Variants in ITSN2 observed in about 807,000 individuals in gnomAD.
ITSN2 encodes intersectin-2.
In ITSN2, 156 loss-of-function variants were observed where a neutral mutation model predicts 243.7. The ratio of observed to expected loss-of-function variants is 0.64; its 90% CI spans 0.56 to 0.73. The LOEUF is 0.73. ITSN2 is among the 30% of genes least tolerant of loss of function. The pLI, the probability that ITSN2 is intolerant of heterozygous loss-of-function variation, is 0.00. For missense variants in ITSN2, 1,801 were observed against 1,996.1 expected, an observed-to-expected ratio of 0.90 and a Z score of 1.86; for synonymous variants, 703 against 699.9, an observed-to-expected ratio of 1.00 and a Z score of -0.07.
intron 36 of ITSN2, 123 bp downstream of exon 36, chr2:24,208,977 A>G (rs904214779): frequency 1.9e-6 from 2 of 1,078,592 alleles, no homozygotes; most frequent in African/African-American, 3.1e-5. Context: ...GGGATGTGTT[A>G]AGAGAGGTTC....
In ITSN2 at chr2:24,310,344, C is replaced by T. The variant is rs781209556; in HGVS notation, c.593G>A (p.Gly198Glu). The T allele has an allele frequency of 8.7e-6, 14 of 1,613,736 alleles. No homozygotes were observed. The South Asian group carries it at 1.5e-4, about 18-fold the overall frequency. The stretch of plus-strand genomic sequence containing the variant: ...CTGTATACTAGCACCTCCAAATCCT[C>T]CCATCATCAGACTATAAGATGACCC... ...PHGSSYSLMM[G>E]GFGGASIQKA... The change falls in exon 7 of 40, where the codon GGA becomes GAA. Residue 198 changes from glycine to glutamate, a missense_variant. Gly to Glu is a moderately conservative substitution (Grantham distance 98, BLOSUM62 -2). This residue lies in a region of ITSN2 where 787 missense variants were observed against 803.9 expected (regional missense o/e 0.98). Coordinates refer to ENST00000355123, the MANE Select transcript of ITSN2 (RefSeq NM_006277.3).
At chr2:24,316,096 T>G (rs756582229) in intron 2 of ITSN2, among the ~76,000 whole-genome samples, 3 of 152,078 alleles carry the variant, frequency 2.0e-5, no homozygotes, top group Admixed American at 6.6e-5. Context: ...GGGCACAGCA[T>G]GAGAAGTCAA....
intron 1 of ITSN2, among the ~76,000 whole-genome samples, chr2:24,351,509 T>C (rs1464147858): frequency 6.6e-6 from 1 of 152,348 alleles, no homozygotes. Context: ...CCTAACCAAA[T>C]AATGTGGATA....
chr2:24,226,713 A>C (rs1201956543), intron 29 of ITSN2, among the ~76,000 whole-genome samples: 1 of 152,112 alleles, frequency 6.6e-6, no homozygotes, highest in Non-Finnish European at 1.5e-5. Flanking sequence ...AGCCAGTCTA[A>C]TTGCTGTTCA....
chr2:24,358,513 T>C (rs974528573), intron 1 of ITSN2, among the ~76,000 whole-genome samples: 8 of 152,290 alleles, frequency 5.3e-5, no homozygotes, highest in Middle Eastern at 3.4e-3. Context: ...GAAAGTATAG[T>C]TGAAGGAGAC....
At chr2:24,279,726 CTTTTTTTTT>C (rs955431908) in intron 17 of ITSN2, among the ~76,000 whole-genome samples, 2 of 78,246 alleles carry the variant, frequency 2.6e-5, no homozygotes, top group South Asian at 4.2e-4. Flanking sequence ...TGTGAATTTT[CTTTTTTTTT>C]TTTTTTTTTT....
At chr2:24,334,117 T>C (rs1686087533) in intron 1 of ITSN2, among the ~76,000 whole-genome samples, 1 of 151,862 alleles carries the variant, frequency 6.6e-6, no homozygotes, top group Non-Finnish European at 1.5e-5. Flanking sequence ...GGAGTGCAAT[T>C]GTGCGATCTC....
chr2:24,353,768 C>A (rs1279163972), intron 1 of ITSN2, among the ~76,000 whole-genome samples: 1 of 152,094 alleles, frequency 6.6e-6, no homozygotes, highest in Non-Finnish European at 1.5e-5. Flanking sequence ...AATTTCATTT[C>A]TGGGAATCTG....
chr2:24,339,802 G>A (rs1245006397), intron 1 of ITSN2, among the ~76,000 whole-genome samples: 1 of 152,100 alleles, frequency 6.6e-6, no homozygotes, highest in Non-Finnish European at 1.5e-5. Flanking sequence ...CACAGTGGGA[G>A]GATCACTTGA....
At position 24,204,481 on chromosome 2, in the gene ITSN2, G is replaced by A. The variant is rs572028070; in HGVS notation, c.4763-63C>T. 6.9e-6 allele frequency: 10 copies of A among 1,449,420 alleles called. No homozygotes were observed. In the African/African-American group the frequency reaches 7.0e-5, roughly 10 times the overall value. The allele number at this position is 1,449,420 out of a possible 1,614,324, so 89.8% of individuals were successfully genotyped here. On this transcript the variant is annotated intron_variant, in intron 38 of 39. Transcript: ENST00000355123. The surrounding 1 kb of genome is among the most constrained non-coding windows in gnomAD (Gnocchi z 5.1). ...CAGGTAAAACGAAGCGACTGACAGTGCCCTCCCTGAGCAGAAGCAGGATTC... is the reference window on the plus strand; with the variant it reads ...CAGGTAAAACGAAGCGACTGACAGTACCCTCCCTGAGCAGAAGCAGGATTC...
At position 24,228,778 on chromosome 2, in the gene ITSN2, A is replaced by G. The variant is rs561585927; in HGVS notation, c.3578-7712T>C. On this transcript the variant is annotated intron_variant, in intron 29 of 39. Coordinates refer to ENST00000355123, the MANE Select transcript of ITSN2 (RefSeq NM_006277.3). ...GCAAAGAAAATGCCTGGTAAATAGA[A>G]AATACATAATAAAATAGATACAAAT... Among the ~76,000 whole-genome samples the G allele has an allele frequency of 2.5e-3, 385 of 152,364 alleles. 2 individuals are homozygous for G. The highest frequency in any genetic ancestry group is 8.9e-3 in the African/African-American group (369 of 41,598).
chr2:24,335,924 G>A (rs1057369359), intron 1 of ITSN2, among the ~76,000 whole-genome samples: 3 of 149,344 alleles, frequency 2.0e-5, no homozygotes, highest in East Asian at 2.2e-4. Flanking sequence ...GAGCAACCAC[G>A]CCCAGCCCAG....
At chr2:24,356,584 C>T (rs1688471365) in intron 1 of ITSN2, among the ~76,000 whole-genome samples, 2 of 151,916 alleles carry the variant, frequency 1.3e-5, no homozygotes, top group South Asian at 4.2e-4. Context: ...TGAAAAAAGG[C>T]TCAACATCAC....
At position 24,310,622 on chromosome 2, in the gene ITSN2, A is replaced by G; in HGVS notation, c.423T>C (p.Ser141=). The G allele has an allele frequency of 6.2e-7, 1 of 1,614,200 alleles. No homozygotes were observed. Among genetic ancestry groups the G allele is most frequent in the Non-Finnish European group, 8.5e-7 (1 of 1,180,032 alleles). Residue 141 remains serine (S), a synonymous_variant, in exon 6 of 40, where the codon TCT becomes TCC. Coordinates refer to ENST00000355123, the MANE Select transcript of ITSN2 (RefSeq NM_006277.3). The part of the protein sequence containing the change: ...LPPAAPITSL[S]SATSGTNLPP... ...GAAGGTTGGTCCCTGAAGTCGCAGA[A>G]GACAATGATGTTATAGGTGCAGCTG...
chr2:24,306,151 T>C (rs1160049639), intron 8 of ITSN2, among the ~76,000 whole-genome samples: 1 of 152,132 alleles, frequency 6.6e-6, no homozygotes, highest in African/African-American at 2.4e-5. Flanking sequence ...GGTTAATTTT[T>C]ATATTTTTAG....
chr2:24,298,048 G>A (rs541226822), intron 13 of ITSN2, among the ~76,000 whole-genome samples: 2 of 150,716 alleles, frequency 1.3e-5, no homozygotes, highest in African/African-American at 4.9e-5. Context: ...GCAGTGGTGC[G>A]ATCTTGGCTC....
In ITSN2 at chr2:24,203,578, C is replaced by T. The variant is rs1668532273; in HGVS notation, c.*48G>A. The stretch of plus-strand genomic sequence containing the variant: ...CAAGAGAGCGCAGTCTCTCATTCTC[C>T]AGCCCCAGCCTTGTGGGCTGTCCCG... On this transcript the variant is annotated 3_prime_UTR_variant, in exon 40 of 40. Coordinates refer to ENST00000355123, the MANE Select transcript of ITSN2 (RefSeq NM_006277.3). 2 of 1,574,398 alleles carry T rather than the reference C, an allele frequency of 1.3e-6. No individual in the cohort carries two copies. Among genetic ancestry groups the T allele is most frequent in the Non-Finnish European group, 1.7e-6 (2 of 1,158,520 alleles).
At chr2:24,253,716 A>C (rs1326544717) in intron 24 of ITSN2, among the ~76,000 whole-genome samples, 1 of 152,266 alleles carries the variant, frequency 6.6e-6, no homozygotes, top group African/African-American at 2.4e-5. Flanking sequence ...AGAATCTTCA[A>C]CGTAACAGAT....
chr2:24,248,162 A>G (rs1373573015), intron 27 of ITSN2, among the ~76,000 whole-genome samples: 5 of 148,538 alleles, frequency 3.4e-5, no homozygotes, highest in East Asian at 2.0e-4. Context: ...CGTTTTAGGG[A>G]AAAAAAAAAG....
Sources: gnomAD v4.1 joint callset for allele counts (sites outside exome capture counted in the v4.1 genomes callset) on GRCh38, gnomAD v4.1.1 for gene constraint, gnomAD v4.1.1 regional missense constraint, Gnocchi (gnomAD v3.1) non-coding constraint, MANE v1.5 for transcripts, NCBI Gene and HGNC (gene_info 2026-07-23, HGNC 2026-07-21) for gene names.